The following SNUPN variants were observed in gnomAD, a reference collection of about 807,000 sequenced individuals.
SNUPN encodes snurportin 1.
In SNUPN, 31 loss-of-function variants were observed where a neutral mutation model predicts 39.2. The ratio of observed to expected loss-of-function variants is 0.79; its 90% CI spans 0.59 to 1.07. The LOEUF is 1.07. Ranked by LOEUF, SNUPN falls within the 50% of genes least tolerant of loss-of-function variation. SNUPN has a pLI of 0.00. For missense variants in SNUPN, 382 were observed against 434.2 expected, an observed-to-expected ratio of 0.88 and a Z score of 1.07; for synonymous variants, 132 against 159.0, an observed-to-expected ratio of 0.83 and a Z score of 1.28.
chr15:75,599,553 C>A (rs1439475321), intron 8 of SNUPN, among the ~76,000 whole-genome samples: 1 of 152,206 alleles, frequency 6.6e-6, no homozygotes, highest in African/African-American at 2.4e-5. Flanking sequence ...TAAACCTCCC[C>A]CTAAATTGTT....
Position 75,601,013 on chromosome 15 carries a change from A to C in SNUPN, c.759+125T>G, listed in dbSNP as rs185841108. 143 of 746,112 alleles carry C rather than the reference A, an allele frequency of 1.9e-4. 2 individuals are homozygous for C. The Admixed American group carries it at 2.7e-3, about 14-fold the overall frequency. 46.2% of individuals were successfully genotyped at this position (746,112 alleles called of 1,614,324 possible). A position where few individuals can be genotyped will look rare whatever the true frequency, so the allele number is the denominator to read the frequency against. ...GCAGCAAGTACATCCTTTCTCCAGA[A>C]TCAGCTTTGTCCCATTCTGATGCTT... On this transcript the variant is annotated intron_variant, in intron 8 of 8. Transcript: ENST00000308588.
At chr15:75,605,962 T>C (rs1201579698) in intron 6 of SNUPN, among the ~76,000 whole-genome samples, 1 of 152,058 alleles carries the variant, frequency 6.6e-6, no homozygotes, top group Admixed American at 6.6e-5. Context: ...CTGGCCAACA[T>C]GGTGAAACGC....
chr15:75,598,300 C>A lies in SNUPN; in HGVS notation c.*58G>T, dbSNP rs922134134. On this transcript the variant is annotated 3_prime_UTR_variant, in exon 9 of 9. Transcript: ENST00000308588. ...TCACCTGTTGTCACTGTCCTCCTCT[C>A]CAGGATTCCTTTTGGGGCCAGGTAC... 117 of 1,422,046 alleles carry A rather than the reference C, an allele frequency of 8.2e-5. 1 individual carries two copies. In the South Asian group the frequency reaches 9.6e-4, roughly 12 times the overall value. The allele number at this position is 1,422,046 out of a possible 1,614,324, so 88.1% of individuals were successfully genotyped here. A position where few individuals can be genotyped will look rare whatever the true frequency, so the allele number is the denominator to read the frequency against.
chr15:75,623,561 C>G (rs1438157906), intron 1 of SNUPN, among the ~76,000 whole-genome samples: 2 of 151,964 alleles, frequency 1.3e-5, no homozygotes, highest in African/African-American at 4.8e-5. Flanking sequence ...TCTCCTGCCT[C>G]AGCCTCCTGA....
chr15:75,598,774 G>C, intron 8 of SNUPN, 93 bp from the exon 9 acceptor site: 3 of 941,064 alleles, frequency 3.2e-6, no homozygotes, highest in Non-Finnish European at 4.7e-6. Flanking sequence ...CTTGTGGTCC[G>C]ACTCCTTTTT....
intron 1 of SNUPN, among the ~76,000 whole-genome samples, chr15:75,621,451 G>A (rs1049770872): frequency 6.6e-6 from 1 of 151,820 alleles, no homozygotes; most frequent in African/African-American, 2.4e-5. Context: ...TGGTACAGAC[G>A]GGATCTCCCT....
chr15:75,611,291 C>T (rs1347201398), intron 3 of SNUPN, among the ~76,000 whole-genome samples: 1 of 150,010 alleles, frequency 6.7e-6, no homozygotes, highest in Non-Finnish European at 1.5e-5. Flanking sequence ...CTCGCTCTGT[C>T]GCCCAGGCTG....
intron 3 of SNUPN, 58 bp from the exon 4 acceptor site, chr15:75,610,052 C>T (rs1892738365): frequency 7.8e-7 from 1 of 1,286,048 alleles, no homozygotes; most frequent in Non-Finnish European, 1.1e-6. Context: ...CGAAAGTCTG[C>T]AATGACAAGG....
At chr15:75,599,559 T>C (rs1479958802) in intron 8 of SNUPN, among the ~76,000 whole-genome samples, 1 of 152,174 alleles carries the variant, frequency 6.6e-6, no homozygotes, top group Non-Finnish European at 1.5e-5. Flanking sequence ...TCCCCCTAAA[T>C]TGTTTGTGAG....
intron 3 of SNUPN, among the ~76,000 whole-genome samples, chr15:75,615,280 C>T (rs994435353): frequency 6.6e-6 from 1 of 152,118 alleles, no homozygotes; most frequent in African/African-American, 2.4e-5. Context: ...GCTGGGATTA[C>T]AGGCATGAGC....
chr15:75,621,834 G>C (rs1038492802), intron 1 of SNUPN, among the ~76,000 whole-genome samples: 1 of 147,794 alleles, frequency 6.8e-6, no homozygotes. Context: ...TCAGGAGTTC[G>C]AAACCAGCCT....
intron 3 of SNUPN, among the ~76,000 whole-genome samples, chr15:75,610,586 C>T (rs537462158): frequency 1.3e-5 from 2 of 152,112 alleles, no homozygotes; most frequent in East Asian, 1.9e-4. Flanking sequence ...CCTCACCTCC[C>T]GGGTCAGGGT....
chr15:75,610,985 T>C lies in SNUPN; in HGVS notation c.304-991A>G, dbSNP rs557136728. On this transcript the variant is annotated intron_variant, in intron 3 of 8. Transcript: ENST00000308588. ...GAGATTGAGACCATCCTGGCCAACA[T>C]GGTGAAACCCCGTCTCTACCAAAAA... is the stretch of plus-strand genomic sequence containing the variant. Among the ~76,000 whole-genome samples the C allele has an allele frequency of 3.6e-3, 551 of 151,972 alleles. 5 individuals carry two copies. Among genetic ancestry groups the C allele is most frequent in the Non-Finnish European group, 5.8e-3 (397 of 67,960 alleles).
intron 1 of SNUPN, chr15:75,625,105 G>T (rs1893185551): frequency 1.2e-5 from 2 of 164,306 alleles, no homozygotes; most frequent in South Asian, 2.7e-4. Context: ...CCATTCCTTG[G>T]ATGGTGCTGC....
In SNUPN at chr15:75,607,243, C is replaced by T. The variant is rs1289767185; in HGVS notation, c.573G>A (p.Trp191Ter). Residue 191 changes from tryptophan (W) to a stop codon, truncating the protein, a stop_gained, in exon 6 of 9, where the codon TGG (tryptophan) becomes TGA (stop). Transcript: ENST00000308588. LOFTEE classifies it high-confidence loss of function. ...QTYYVLDVMC[W>*]RGHPFYDCQT... is the part of the protein sequence containing the mutation. Reference sequence around the variant, plus strand: ...GGCAATCATAAAAAGGGTGTCCCCGCCAGCACATCACATCCAGAACGTAGT... The same window carrying T: ...GGCAATCATAAAAAGGGTGTCCCCGTCAGCACATCACATCCAGAACGTAGT... 2 of 1,613,568 alleles carry T rather than the reference C, an allele frequency of 1.2e-6. No homozygotes were observed. The highest frequency in any genetic ancestry group is 2.7e-5 in the African/African-American group (2 of 74,900).
At chr15:75,602,460 A>C (rs1033277619) in intron 7 of SNUPN, among the ~76,000 whole-genome samples, 6 of 148,576 alleles carry the variant, frequency 4.0e-5, no homozygotes, top group African/African-American at 1.5e-4. Flanking sequence ...TGGGAGGCGG[A>C]GGTTGCAGTG....
chr15:75,609,985 A>G lies in SNUPN; in HGVS notation c.313T>C (p.Ser105Pro). Residue 105 changes from serine (S) to proline (P), a missense_variant, in exon 4 of 9, where the codon TCT becomes CCT. Coordinates refer to ENST00000308588, the MANE Select transcript of SNUPN (RefSeq NM_005701.4). Reference protein sequence around the residue: ...PKHYANQLMLSEWLIDVPSDL... With the variant: ...PKHYANQLMLPEWLIDVPSDL... ...GAAGGAACGTCAATTAACCACTCAGAAAGCATCAACTGGAAATGCAAAAAA... is the reference window on the plus strand; with the variant it reads ...GAAGGAACGTCAATTAACCACTCAGGAAGCATCAACTGGAAATGCAAAAAA... 1 of 1,613,908 alleles carries G rather than the reference A, an allele frequency of 6.2e-7. No individual in the cohort carries two copies. The highest frequency in any genetic ancestry group is 2.2e-5 in the East Asian group (1 of 44,882).
At chr15:75,623,899 G>GT (rs1893141807) in intron 1 of SNUPN, among the ~76,000 whole-genome samples, 1 of 149,618 alleles carries the variant, frequency 6.7e-6, no homozygotes, top group South Asian at 2.1e-4. Flanking sequence ...GTACTTTTGT[G>GT]TAAGTTTGAA....
chr15:75,612,820 T>C (rs1244878579), intron 3 of SNUPN, among the ~76,000 whole-genome samples: 1 of 152,046 alleles, frequency 6.6e-6, no homozygotes, highest in East Asian at 1.9e-4. Flanking sequence ...ATCTTAGAGT[T>C]TAAGCATAAT....
Sources: allele counts gnomAD v4.1 joint callset (sites outside exome capture counted in the v4.1 genomes callset), GRCh38; gene constraint gnomAD v4.1.1; transcripts MANE v1.5; gene names NCBI Gene and HGNC (gene_info 2026-07-23, HGNC 2026-07-21).